The following GPC5 variants were observed in gnomAD, a reference collection of about 807,000 sequenced individuals.
GPC5 encodes the protein glypican 5.
A neutral mutation model predicts 53.9 loss-of-function variants in GPC5; 47 were observed. The ratio of observed to expected loss-of-function variants is 0.87; its 90% confidence interval spans 0.69 to 1.11. The LOEUF (loss-of-function observed/expected upper bound fraction) is 1.11, where lower values mean the gene tolerates loss of function less well. Ranked by LOEUF, GPC5 falls within the 50% of genes most tolerant of loss-of-function variation. The pLI is 0.00. For missense variants in GPC5, 748 were observed against 713.1 expected (o/e 1.05, Z -0.56); for synonymous variants, 286 against 263.3 (o/e 1.09, Z -0.84).
chr13:92,019,034 C>T (rs779130772), intron 6 of GPC5, among the ~76,000 whole-genome samples: 1 of 151,790 alleles, frequency 6.6e-6, no homozygotes, highest in Non-Finnish European at 1.5e-5. Flanking sequence ...GATATTGTTT[C>T]TACTGAAAGA....
intron 7 of GPC5, among the ~76,000 whole-genome samples, chr13:92,296,414 G>A (rs957927553): frequency 1.3e-5 from 2 of 152,098 alleles, no homozygotes; most frequent in African/African-American, 2.4e-5. Flanking sequence ...CTGTCCTTGG[G>A]CAGGTCTTGC....
intron 7 of GPC5, among the ~76,000 whole-genome samples, chr13:92,596,403 C>A (rs1883882495): frequency 6.6e-6 from 1 of 151,966 alleles, no homozygotes; most frequent in Non-Finnish European, 1.5e-5. Context: ...AAATGAAGAT[C>A]TTCTCCTAAA....
chr13:92,262,572 T>C (rs936969283), intron 7 of GPC5, among the ~76,000 whole-genome samples: 1 of 152,170 alleles, frequency 6.6e-6, no homozygotes, highest in Non-Finnish European at 1.5e-5. Context: ...GTGTTTTCAG[T>C]GCATACTTAA....
chr13:92,206,570 A>G (rs1047607054), intron 7 of GPC5, among the ~76,000 whole-genome samples: 1 of 152,110 alleles, frequency 6.6e-6, no homozygotes, highest in Non-Finnish European at 1.5e-5. Flanking sequence ...TATAGAACCT[A>G]GAAATTATTG....
chr13:91,999,980 A>G (rs2040540071), intron 6 of GPC5, among the ~76,000 whole-genome samples: 1 of 152,244 alleles, frequency 6.6e-6, no homozygotes, highest in Admixed American at 6.5e-5. Context: ...TTTTTGCTGA[A>G]TTGAAATCTG....
At chr13:91,849,421 A>C (rs1021676976) in intron 5 of GPC5, among the ~76,000 whole-genome samples, 21 of 152,220 alleles carry the variant, frequency 1.4e-4, no homozygotes, top group Non-Finnish European at 2.8e-4. Flanking sequence ...GTGGTTTAAT[A>C]GCTCTATGAA....
chr13:92,762,226 T>C (rs1875211247), intron 7 of GPC5, among the ~76,000 whole-genome samples: 1 of 152,024 alleles, frequency 6.6e-6, no homozygotes, highest in Non-Finnish European at 1.5e-5. Flanking sequence ...CAATAAGTGA[T>C]TAAGAAATAC....
At position 92,767,171 on chromosome 13, in the gene GPC5, A is replaced by C. The variant is rs9561145; in HGVS notation, c.1562-99111A>C. ...TTTGTTTTTCTCTGTTAACGGTGTA[A>C]ATTCAGAAAAATCTTCCAGGATGGG... On this transcript the variant is annotated intron_variant, in intron 7 of 7. Transcript: ENST00000377067. Among the ~76,000 whole-genome samples, 157 of 152,182 alleles carry C rather than the reference A, an allele frequency of 1.0e-3. 1 individual carries two copies. In the East Asian group the frequency reaches 0.02, roughly 19 times the overall value.
chr13:92,499,185 C>G (rs1241516884), intron 7 of GPC5, among the ~76,000 whole-genome samples: 1 of 152,030 alleles, frequency 6.6e-6, no homozygotes, highest in East Asian at 1.9e-4. Context: ...TGAAGAATAA[C>G]AGTGTTCAAA....
At chr13:91,787,309 T>A (rs2037895387) in intron 5 of GPC5, among the ~76,000 whole-genome samples, 1 of 152,210 alleles carries the variant, frequency 6.6e-6, no homozygotes, top group Non-Finnish European at 1.5e-5. Context: ...TTTTAATCTC[T>A]AGTTGCAATG....
At chr13:91,766,589 G>A (rs369285492) in intron 5 of GPC5, among the ~76,000 whole-genome samples, 1 of 152,170 alleles carries the variant, frequency 6.6e-6, no homozygotes, top group African/African-American at 2.4e-5. Flanking sequence ...AAGGCCGGGC[G>A]CGGTGGCTCA....
intron 6 of GPC5, among the ~76,000 whole-genome samples, chr13:92,021,718 C>T (rs2040760185): frequency 6.6e-6 from 1 of 152,156 alleles, no homozygotes; most frequent in Admixed American, 6.5e-5. Flanking sequence ...TAACAATAGG[C>T]TTTATCCATT....
At chr13:91,762,580 C>G (rs2037436940) in intron 5 of GPC5, among the ~76,000 whole-genome samples, 1 of 139,286 alleles carries the variant, frequency 7.2e-6, no homozygotes, top group Admixed American at 7.4e-5. Context: ...AGTTTGTTTT[C>G]TATTTCTTTT....
chr13:92,191,964 G>A (rs1171441290), intron 7 of GPC5, among the ~76,000 whole-genome samples: 1 of 152,128 alleles, frequency 6.6e-6, no homozygotes, highest in Non-Finnish European at 1.5e-5. Context: ...CTGCACCACA[G>A]TAAAATCAAG....
At chr13:91,481,004 G>A (rs931482642) in intron 2 of GPC5, among the ~76,000 whole-genome samples, 2 of 151,588 alleles carry the variant, frequency 1.3e-5, no homozygotes, top group Non-Finnish European at 2.9e-5. Context: ...CCCAAGTTTC[G>A]GGGTTGCTGA....
chr13:92,201,012 C>T (rs921218987), intron 7 of GPC5, among the ~76,000 whole-genome samples: 4 of 129,348 alleles, frequency 3.1e-5, no homozygotes, highest in South Asian at 2.5e-4. Flanking sequence ...CACACACACG[C>T]ACACACACGG....
chr13:92,631,739 G>A (rs982362111), intron 7 of GPC5, among the ~76,000 whole-genome samples: 1 of 152,044 alleles, frequency 6.6e-6, no homozygotes, highest in African/African-American at 2.4e-5. Context: ...TCCAAAATTC[G>A]AAATTTTGGG....
intron 7 of GPC5, among the ~76,000 whole-genome samples, chr13:92,669,824 T>G (rs1202580170): frequency 1.3e-5 from 2 of 152,112 alleles, no homozygotes; most frequent in Non-Finnish European, 2.9e-5. Flanking sequence ...AGGAGTCCTC[T>G]CCATTCTACT....
At chr13:92,404,248 T>C (rs773231634) in intron 7 of GPC5, among the ~76,000 whole-genome samples, 2 of 152,176 alleles carry the variant, frequency 1.3e-5, no homozygotes, top group African/African-American at 2.4e-5. Flanking sequence ...TGTTTTCTGA[T>C]TGTTTTACTG....
Sources: gnomAD v4.1 joint callset for allele counts (sites outside exome capture counted in the v4.1 genomes callset) on GRCh38, gnomAD v4.1.1 for gene constraint, MANE v1.5 for transcripts, NCBI Gene and HGNC (gene_info 2026-07-23, HGNC 2026-07-21) for gene names.